SORT1: variants seen among roughly 807,000 people sequenced by gnomAD.
SORT1 encodes the protein sortilin 1, also known as sortilin.
In SORT1, 39 loss-of-function variants were observed where a neutral mutation model predicts 101.7. The observed-to-expected ratio is 0.38, with a 90% CI of 0.30 to 0.50. The LOEUF is 0.50. SORT1 is among the 20% of genes least tolerant of loss of function. The probability of loss-of-function intolerance (pLI) is 0.90; values close to 1 mark genes in which losing one functional copy is unlikely to be tolerated. For missense variants in SORT1, 878 were observed against 1,040.4 expected (o/e 0.84, Z 2.15); for synonymous variants, 396 against 393.7 (o/e 1.01, Z -0.07).
chr1:109,367,410 T>C lies in SORT1; in HGVS notation c.438A>G (p.Arg146=). The change falls in exon 3 of 20, where the codon CGA becomes CGG. Residue 146 remains arginine (R), a splice_region_variant and synonymous_variant. Coordinates refer to ENST00000256637, the MANE Select transcript of SORT1 (RefSeq NM_002959.7). ...IMTFGQSKLY[R]SEDYGKNFKD... ...CCAACGCGTGTTATTGATCTCACCT[T>C]CGATATAGCTTGGACTGTCCAAAAG... 6.4e-7 allele frequency: 1 copy of C among 1,573,532 alleles called. No individual in the cohort carries two copies. The highest frequency in any genetic ancestry group is 8.7e-7 in the Non-Finnish European group (1 of 1,146,388).
At chr1:109,375,989 GTT>G (rs1181529747) in intron 1 of SORT1, among the ~76,000 whole-genome samples, 1 of 152,122 alleles carries the variant, frequency 6.6e-6, no homozygotes, top group Non-Finnish European at 1.5e-5. Flanking sequence ...AAAAGGGAGT[GTT>G]TATACACTGT....
Position 109,389,464 on chromosome 1 carries a change from T to C in SORT1, c.306+8123A>G, listed in dbSNP as rs1047077362. The stretch of plus-strand genomic sequence containing the variant: ...TGAAACACTTCCAAATGCAGCACCA[T>C]GTTGGGACATCTGTGTTCTACTCCC... On this transcript the variant is annotated intron_variant, in intron 1 of 19. Coordinates refer to ENST00000256637, the MANE Select transcript of SORT1 (RefSeq NM_002959.7). 3.3e-5 allele frequency among the ~76,000 whole-genome samples: 5 copies of C among 152,178 alleles called. No homozygotes were observed. The East Asian group carries it at 5.8e-4, about 18-fold the overall frequency.
chr1:109,326,042 G>T (rs780635918), intron 13 of SORT1, among the ~76,000 whole-genome samples: 5 of 148,816 alleles, frequency 3.4e-5, no homozygotes, highest in Admixed American at 6.7e-5. Flanking sequence ...TATTTTATAA[G>T]AACTTATACT....
intron 3 of SORT1, among the ~76,000 whole-genome samples, chr1:109,358,852 T>TAAAAAAAAAAAAAAAAAAAAAAAAA (rs745825760): frequency 7.7e-6 from 1 of 130,704 alleles, no homozygotes; most frequent in African/African-American, 2.9e-5. Context: ...GACTCCGTCT[T>TAAAAAAAAAAAAAAAAAAAAAAAAA]AAAAAAAAAA....
At chr1:109,325,678 A>T (rs1314264424) in intron 13 of SORT1, among the ~76,000 whole-genome samples, 1 of 152,130 alleles carries the variant, frequency 6.6e-6, no homozygotes, top group African/African-American at 2.4e-5. Flanking sequence ...CTGGCTTTTA[A>T]ATTAATAAAT....
chr1:109,319,406 G>A (rs1326134715), intron 15 of SORT1, among the ~76,000 whole-genome samples: 1 of 152,142 alleles, frequency 6.6e-6, no homozygotes, highest in Non-Finnish European at 1.5e-5. Context: ...CCACTCAGCT[G>A]GCAGCGTCTC....
intron 5 of SORT1, among the ~76,000 whole-genome samples, chr1:109,352,192 T>G (rs1478281249): frequency 1.3e-5 from 2 of 152,022 alleles, no homozygotes; most frequent in South Asian, 4.1e-4. Context: ...CTAGAGATAT[T>G]CAGGGGGCAG....
intron 3 of SORT1, among the ~76,000 whole-genome samples, chr1:109,361,926 T>C (rs750091253): frequency 6.6e-6 from 1 of 152,214 alleles, no homozygotes; most frequent in Non-Finnish European, 1.5e-5. Context: ...AAGTGTCCTT[T>C]TTACGGTCTA....
intron 1 of SORT1, among the ~76,000 whole-genome samples, chr1:109,391,675 CA>C (rs1408733270): frequency 6.6e-6 from 1 of 152,146 alleles, no homozygotes; most frequent in Non-Finnish European, 1.5e-5. Flanking sequence ...CTGTCATGAA[CA>C]TTCATTCAAC....
At position 109,397,722 on chromosome 1, in the gene SORT1, G is replaced by C. The variant is rs1653280773; in HGVS notation, c.171C>G (p.Ser57Arg). The change falls in exon 1 of 20, where the codon AGC becomes AGG. Residue 57 changes from serine to arginine, a missense_variant. Ser to Arg is a moderately radical substitution (Grantham distance 110). Around this residue, in one of 2 missense-constraint regions of SORT1, gnomAD observed 194 missense variants for 145.9 expected, o/e 1.33. Coordinates refer to ENST00000256637, the MANE Select transcript of SORT1 (RefSeq NM_002959.7). The part of the protein sequence containing the change: ...LPRWSGPIGV[S>R]WGLRAAAAGG... ...CGGCTGCGGCCGCCCGCAGCCCCCA[G>C]CTCACCCCGATGGGGCCAGACCAGC... The C allele has an allele frequency of 8.4e-7, 1 of 1,192,374 alleles. No individual in the cohort carries two copies. The highest frequency in any genetic ancestry group is 1.0e-6 in the Non-Finnish European group (1 of 964,712). 73.9% of individuals were successfully genotyped at this position (1,192,374 alleles called of 1,614,324 possible).
chr1:109,381,615 A>G (rs372358376), intron 1 of SORT1, among the ~76,000 whole-genome samples: 3 of 152,172 alleles, frequency 2.0e-5, no homozygotes, highest in African/African-American at 7.2e-5. Flanking sequence ...CACACCTATA[A>G]TCCTAGTACT....
intron 1 of SORT1, among the ~76,000 whole-genome samples, chr1:109,372,293 A>T (rs1056239084): frequency 1.3e-5 from 2 of 152,246 alleles, no homozygotes; most frequent in South Asian, 4.1e-4. Flanking sequence ...TGTAGCCACA[A>T]GAACCTTGCC....
At chr1:109,362,544 G>A (rs1570953197) in intron 3 of SORT1, among the ~76,000 whole-genome samples, 1 of 151,946 alleles carries the variant, frequency 6.6e-6, no homozygotes, top group African/African-American at 2.4e-5. Context: ...ATTACCTTGT[G>A]TTTTTATTTA....
intron 1 of SORT1, among the ~76,000 whole-genome samples, chr1:109,370,536 T>C (rs758867518): frequency 3.3e-5 from 5 of 152,180 alleles, no homozygotes; most frequent in Non-Finnish European, 7.3e-5. Flanking sequence ...ACATACTATA[T>C]AGAGTCTATA....
intron 3 of SORT1, among the ~76,000 whole-genome samples, chr1:109,357,492 A>G (rs1650402424): frequency 1.3e-5 from 2 of 152,236 alleles, no homozygotes; most frequent in Middle Eastern, 3.2e-3. Flanking sequence ...AAAGTCAACT[A>G]GTTAATTAAG....
At chr1:109,345,618 C>T (rs1022421076) in intron 8 of SORT1, 133 bp downstream of exon 8, 2 of 818,346 alleles carry the variant, frequency 2.4e-6, no homozygotes, top group South Asian at 2.0e-5. Context: ...AAAAGAATCA[C>T]CCCTAACACT....
At chr1:109,384,577 G>GTCA (rs1331336893) in intron 1 of SORT1, among the ~76,000 whole-genome samples, 1 of 152,222 alleles carries the variant, frequency 6.6e-6, no homozygotes, top group Non-Finnish European at 1.5e-5. Flanking sequence ...GGTATTAAAT[G>GTCA]TCATACCACA....
chr1:109,370,997 T>A (rs1012948532), intron 1 of SORT1, among the ~76,000 whole-genome samples: 1 of 152,266 alleles, frequency 6.6e-6, no homozygotes, highest in Non-Finnish European at 1.5e-5. Context: ...GAATTTTCTC[T>A]TGCAGTCTTG....
At position 109,397,675 on chromosome 1, in the gene SORT1, C is replaced by CTG; in HGVS notation, c.217_218insCA (p.Gly73AlafsTer54). 8.3e-7 allele frequency: 1 copy of CTG among 1,205,798 alleles called. No homozygotes were observed. The highest frequency in any genetic ancestry group is 1.0e-6 in the Non-Finnish European group (1 of 969,628). 74.7% of individuals were successfully genotyped at this position (1,205,798 alleles called of 1,614,324 possible). On this transcript the variant is annotated frameshift_variant, in exon 1 of 20. Coordinates refer to ENST00000256637, the MANE Select transcript of SORT1 (RefSeq NM_002959.7). LOFTEE classifies it high-confidence loss of function. ...GCCCGGCGCGCTGCGACGCCAACGG[C>CTG]CGCCGCGGGGAAACGCGCCCCCGGC... is the stretch of plus-strand genomic sequence containing the variant.
Sources: allele counts gnomAD v4.1 joint callset (sites outside exome capture counted in the v4.1 genomes callset), GRCh38; gene constraint gnomAD v4.1.1; regional missense constraint gnomAD v4.1.1; transcripts MANE v1.5; gene names NCBI Gene and HGNC (gene_info 2026-07-23, HGNC 2026-07-21).